Variants in ATP2B1 observed in about 807,000 individuals in gnomAD.
ATP2B1 encodes ATPase plasma membrane Ca2+ transporting 1.
In ATP2B1, 14 loss-of-function variants were observed where a neutral mutation model predicts 124.2. That is an observed-to-expected ratio of 0.11 (90% CI 0.07 to 0.18). The LOEUF (loss-of-function observed/expected upper bound fraction) is 0.18. ATP2B1 is among the 10% of genes least tolerant of loss of function. The pLI, the probability that ATP2B1 is intolerant of heterozygous loss-of-function variation, is 1.00. For missense variants in ATP2B1, 763 were observed against 1,466.1 expected (o/e 0.52, Z 7.83); for synonymous variants, 449 against 492.4 (o/e 0.91, Z 1.17).
At position 89,589,629 on chromosome 12, in the gene ATP2B1, A is replaced by C. The variant is rs1873195629; in HGVS notation, c.*1355T>G. 6.6e-6 allele frequency: 1 copy of C among 152,020 alleles called. No individual in the cohort carries two copies. The highest frequency in any genetic ancestry group is 1.5e-5 in the Non-Finnish European group (1 of 67,986). The allele number at this position is 152,020 out of a possible 1,614,324, so 9.4% of individuals were successfully genotyped here. On this transcript the variant is annotated 3_prime_UTR_variant, in exon 21 of 21. Coordinates refer to ENST00000428670, the MANE Select transcript of ATP2B1 (RefSeq NM_001366521.1). ...TATGTCAAATGGTAAAATTGTGTTA[A>C]TTTTCTTAATCTGATTCTATTAGAT...
At chr12:89,659,758 T>TA (rs1242915164) in intron 1 of ATP2B1, among the ~76,000 whole-genome samples, 1 of 151,242 alleles carries the variant, frequency 6.6e-6, no homozygotes, top group African/African-American at 2.4e-5. Context: ...CCGTCTCTAC[T>TA]AAAAAATACA....
intron 6 of ATP2B1, among the ~76,000 whole-genome samples, chr12:89,629,436 C>T (rs965316289): frequency 8.6e-5 from 13 of 152,004 alleles, no homozygotes; most frequent in Non-Finnish European, 1.6e-4. Flanking sequence ...CCTTAAGAAA[C>T]GTATGGAAGC....
At chr12:89,662,248 C>T (rs1886798120) in intron 1 of ATP2B1, among the ~76,000 whole-genome samples, 1 of 151,748 alleles carries the variant, frequency 6.6e-6, no homozygotes, top group Non-Finnish European at 1.5e-5. Context: ...AAGACAATAA[C>T]CTTTTACCCG....
intron 2 of ATP2B1, among the ~76,000 whole-genome samples, chr12:89,649,904 G>A (rs528665349): frequency 6.6e-6 from 1 of 152,252 alleles, no homozygotes; most frequent in African/African-American, 2.4e-5. Context: ...CTGTTTAAAA[G>A]AGTCTGGGAC....
At chr12:89,697,892 C>T (rs1323330254) in intron 1 of ATP2B1, among the ~76,000 whole-genome samples, 1 of 152,064 alleles carries the variant, frequency 6.6e-6, no homozygotes, top group African/African-American at 2.4e-5. Flanking sequence ...CCCCCACCTG[C>T]CGAGATGGAG....
At chr12:89,592,933 A>G (rs1480123043) in intron 20 of ATP2B1, among the ~76,000 whole-genome samples, 1 of 152,032 alleles carries the variant, frequency 6.6e-6, no homozygotes, top group Non-Finnish European at 1.5e-5. Flanking sequence ...CTGCTGGTCC[A>G]TGATCCACAC....
At chr12:89,604,590 G>A (rs1227640641) in intron 15 of ATP2B1, among the ~76,000 whole-genome samples, 1 of 151,946 alleles carries the variant, frequency 6.6e-6, no homozygotes, top group African/African-American at 2.4e-5. Context: ...AAAAATGGAG[G>A]AATGAACAAA....
chr12:89,687,364 C>A (rs1197973959), intron 1 of ATP2B1, among the ~76,000 whole-genome samples: 2 of 152,108 alleles, frequency 1.3e-5, no homozygotes, highest in African/African-American at 4.8e-5. Context: ...AGCTTAGGGG[C>A]TGCAGTAGGC....
chr12:89,611,818 T>C (rs552446903), intron 12 of ATP2B1: 1 of 153,300 alleles, frequency 6.5e-6, no homozygotes, highest in Admixed American at 6.5e-5. Flanking sequence ...TCCCATACCT[T>C]CAATTTCCAT....
At chr12:89,660,273 G>A (rs944248660) in intron 1 of ATP2B1, among the ~76,000 whole-genome samples, 1 of 152,142 alleles carries the variant, frequency 6.6e-6, no homozygotes, top group Non-Finnish European at 1.5e-5. Flanking sequence ...GCAACTCAAA[G>A]CTAGGTAAAA....
At chr12:89,696,045 T>G (rs895240622) in intron 1 of ATP2B1, among the ~76,000 whole-genome samples, 2 of 152,218 alleles carry the variant, frequency 1.3e-5, no homozygotes, top group Non-Finnish European at 2.9e-5. Context: ...CTCACAGGTA[T>G]AAACAGGGCA....
chr12:89,603,869 G>A lies in ATP2B1; in HGVS notation c.2691C>T (p.Leu897=), dbSNP rs772488196. The change falls in exon 17 of 21, where the codon CTC becomes CTT. Residue 897 remains leucine, a synonymous_variant. Transcript: ENST00000428670. This position sits in a 1 kb window ranked among gnomAD's most constrained non-coding sequence, Gnocchi z 4.3. ...GTTCCGTTGCCAGAGCCAGGGAAGC[G>A]AGTGTATCCATTATGAGGTTTACCC... The part of the protein sequence containing the change: ...MLWVNLIMDT[L]ASLALATEPP... 22 of 1,613,940 alleles carry A rather than the reference G, an allele frequency of 1.4e-5. No individual in the cohort carries two copies. The highest frequency in any genetic ancestry group is 1.8e-5 in the Non-Finnish European group (21 of 1,180,002).
chr12:89,591,926 G>C (rs1873646164), intron 20 of ATP2B1, among the ~76,000 whole-genome samples: 1 of 151,948 alleles, frequency 6.6e-6, no homozygotes, highest in African/African-American at 2.4e-5. Flanking sequence ...TGTCTATAAA[G>C]TTTTAGTGTT....
chr12:89,667,806 T>C (rs1474233740), intron 1 of ATP2B1, among the ~76,000 whole-genome samples: 3 of 152,202 alleles, frequency 2.0e-5, no homozygotes, highest in African/African-American at 7.2e-5. Flanking sequence ...AAAATGGCCA[T>C]ACTGCTGAAA....
chr12:89,628,440 C>A (rs60559321), intron 6 of ATP2B1, among the ~76,000 whole-genome samples: 1,657 of 140,854 alleles, frequency 0.012, 40 homozygotes, highest in African/African-American at 0.041. Flanking sequence ...AAAAAGACAA[C>A]TGGCACACAG....
intron 2 of ATP2B1, among the ~76,000 whole-genome samples, chr12:89,644,049 G>C (rs1273654019): frequency 1.3e-5 from 2 of 152,170 alleles, no homozygotes; most frequent in African/African-American, 4.8e-5. Flanking sequence ...TTGAACCCAG[G>C]AGGCTGAGGT....
chr12:89,648,448 T>C (rs1229253012), intron 2 of ATP2B1, among the ~76,000 whole-genome samples: 1 of 152,124 alleles, frequency 6.6e-6, no homozygotes, highest in Non-Finnish European at 1.5e-5. Context: ...TTAAGAGTAA[T>C]GACCTAGGGT....
intron 1 of ATP2B1, among the ~76,000 whole-genome samples, chr12:89,701,036 A>G (rs1054743090): frequency 6.6e-6 from 1 of 152,222 alleles, no homozygotes; most frequent in Admixed American, 6.5e-5. Flanking sequence ...CATTCAATAG[A>G]AATGATAAAG....
At chr12:89,608,002 G>T (rs1246670573) in intron 15 of ATP2B1, among the ~76,000 whole-genome samples, 1 of 151,808 alleles carries the variant, frequency 6.6e-6, no homozygotes, top group Admixed American at 6.6e-5. Flanking sequence ...CATTTAGAAA[G>T]AAATTATCAA....
Sources: gnomAD v4.1 joint callset for allele counts (sites outside exome capture counted in the v4.1 genomes callset) on GRCh38, gnomAD v4.1.1 for gene constraint, Gnocchi (gnomAD v3.1) non-coding constraint, MANE v1.5 for transcripts, NCBI Gene and HGNC (gene_info 2026-07-23, HGNC 2026-07-21) for gene names.